Variants in ARHGAP24 observed in about 807,000 individuals in gnomAD.
ARHGAP24 encodes rho GTPase-activating protein 24.
Under a neutral mutation model 76.4 loss-of-function variants are expected in ARHGAP24, and 50 were observed. The observed-to-expected ratio is 0.65, with a 90% CI of 0.52 to 0.83. The LOEUF is 0.83. Among genes scored for constraint, ARHGAP24 ranks in the 40% least tolerant of loss-of-function variants. The probability of loss-of-function intolerance (pLI) is 0.00; values close to 1 mark genes in which losing one functional copy is unlikely to be tolerated. For synonymous variants in ARHGAP24, 345 were observed against 323.3 expected (o/e 1.07, Z -0.72); for missense variants, 930 against 914.2 (o/e 1.02, Z -0.22).
chr4:85,986,749 G>C (rs760947557), intron 8 of ARHGAP24, among the ~76,000 whole-genome samples: 1 of 152,100 alleles, frequency 6.6e-6, no homozygotes, highest in South Asian at 2.1e-4. Context: ...TACCAGAGAT[G>C]CTTAGTCTGA....
chr4:85,890,818 G>A (rs932476054), intron 3 of ARHGAP24, among the ~76,000 whole-genome samples: 1 of 152,152 alleles, frequency 6.6e-6, no homozygotes, highest in Non-Finnish European at 1.5e-5. Context: ...TTTTTAAGCA[G>A]AAAAGTTATT....
intron 4 of ARHGAP24, among the ~76,000 whole-genome samples, chr4:85,925,615 T>A (rs1238030319): frequency 6.6e-6 from 1 of 152,240 alleles, no homozygotes; most frequent in East Asian, 1.9e-4. Flanking sequence ...TTGTTCTATT[T>A]TATTAGAATA....
chr4:85,503,208 G>A (rs953899929), intron 1 of ARHGAP24, among the ~76,000 whole-genome samples: 41 of 152,264 alleles, frequency 2.7e-4, no homozygotes, highest in East Asian at 9.6e-4. Flanking sequence ...CCAGGCTTTC[G>A]TATCAGGATG....
chr4:85,595,407 G>A (rs1309071236), intron 2 of ARHGAP24, among the ~76,000 whole-genome samples: 1 of 152,040 alleles, frequency 6.6e-6, no homozygotes, highest in Non-Finnish European at 1.5e-5. Context: ...TTATCTGGTA[G>A]GCATGAGGCA....
intron 3 of ARHGAP24, among the ~76,000 whole-genome samples, chr4:85,919,012 A>G (rs577353533): frequency 1.1e-3 from 168 of 152,318 alleles, no homozygotes; most frequent in African/African-American, 3.9e-3. Flanking sequence ...GAAATGAAGA[A>G]AGTAGAATGT....
intron 4 of ARHGAP24, among the ~76,000 whole-genome samples, chr4:85,927,903 G>A (rs187375082): frequency 6.6e-6 from 1 of 152,294 alleles, no homozygotes; most frequent in East Asian, 1.9e-4. Context: ...TGAGGAGCTT[G>A]TCTAGTTCTT....
intron 2 of ARHGAP24, among the ~76,000 whole-genome samples, chr4:85,721,319 C>T (rs1318892373): frequency 1.3e-5 from 2 of 150,968 alleles, no homozygotes; most frequent in Non-Finnish European, 2.9e-5. Context: ...TTCTTGAACC[C>T]GGAAGGCAGA....
chr4:85,760,700 A>C (rs2110072720), intron 3 of ARHGAP24, among the ~76,000 whole-genome samples: 1 of 152,312 alleles, frequency 6.6e-6, no homozygotes, highest in Non-Finnish European at 1.5e-5. Flanking sequence ...CAAGAAGAAC[A>C]GAAGGCCCGA....
chr4:85,909,513 A>G (rs2148797942), intron 3 of ARHGAP24, among the ~76,000 whole-genome samples: 1 of 152,298 alleles, frequency 6.6e-6, no homozygotes, highest in Admixed American at 6.5e-5. Flanking sequence ...TGAATTGTCA[A>G]TCTGTATTTG....
At chr4:85,768,546 G>T (rs1727013279) in intron 3 of ARHGAP24, among the ~76,000 whole-genome samples, 1 of 152,184 alleles carries the variant, frequency 6.6e-6, no homozygotes, top group Admixed American at 6.5e-5. Context: ...AGGCCAGCCT[G>T]ACCAACATGG....
intron 2 of ARHGAP24, among the ~76,000 whole-genome samples, chr4:85,662,173 C>A (rs1416113053): frequency 6.6e-6 from 1 of 152,192 alleles, no homozygotes; most frequent in Admixed American, 6.5e-5. Context: ...TCCTCTCCAG[C>A]ACCTGTTGTT....
At chr4:85,983,405 G>A (rs753884076) in intron 8 of ARHGAP24, among the ~76,000 whole-genome samples, 2 of 152,064 alleles carry the variant, frequency 1.3e-5, no homozygotes, top group Non-Finnish European at 2.9e-5. Context: ...GCATAAAAGT[G>A]TTCCTATTTC....
intron 2 of ARHGAP24, among the ~76,000 whole-genome samples, chr4:85,708,939 G>A (rs1401521654): frequency 2.0e-5 from 3 of 152,000 alleles, no homozygotes; most frequent in African/African-American, 4.8e-5. Context: ...CTCTATGTTC[G>A]TTTAAGTATG....
At chr4:85,873,782 T>C (rs1349513691) in intron 3 of ARHGAP24, among the ~76,000 whole-genome samples, 1 of 152,190 alleles carries the variant, frequency 6.6e-6, no homozygotes, top group Non-Finnish European at 1.5e-5. Flanking sequence ...ACACTGAAGC[T>C]GATGTCTGCT....
intron 2 of ARHGAP24, among the ~76,000 whole-genome samples, chr4:85,638,775 A>G (rs1721414995): frequency 6.6e-6 from 1 of 152,150 alleles, no homozygotes; most frequent in South Asian, 2.1e-4. Context: ...ACTCTTTACT[A>G]CTGAACACCC....
chr4:85,888,795 A>AC (rs1324728106), intron 3 of ARHGAP24, among the ~76,000 whole-genome samples: 1 of 151,526 alleles, frequency 6.6e-6, no homozygotes, highest in Non-Finnish European at 1.5e-5. Flanking sequence ...CCTCCAATAG[A>AC]CCCCAGTGTG....
rs17010364 is a variant in ARHGAP24 at position 85,533,007 on chromosome 4, A to G, written c.-20-37515A>G. 7.7e-3 allele frequency among the ~76,000 whole-genome samples: 1,179 copies of G among 152,334 alleles called. 11 individuals carry two copies. The highest frequency in any genetic ancestry group is 0.019 in the African/African-American group (805 of 41,576). ...ATGGGGTGACACCTGGAACAAAGTC[A>G]TCTTCAAGGACATCTTCAAGGCTGT... On this transcript the variant is annotated intron_variant, in intron 1 of 9. Coordinates refer to ENST00000395184, the MANE Select transcript of ARHGAP24 (RefSeq NM_001025616.3).
chr4:85,577,680 T>C (rs1262906493), intron 2 of ARHGAP24, among the ~76,000 whole-genome samples: 1 of 152,184 alleles, frequency 6.6e-6, no homozygotes, highest in East Asian at 1.9e-4. Flanking sequence ...ATAGTTATTA[T>C]ACAGTGTAAT....
intron 3 of ARHGAP24, among the ~76,000 whole-genome samples, chr4:85,832,780 A>G (rs17011046): frequency 0.084 from 12,820 of 152,256 alleles, 625 homozygotes; most frequent in Middle Eastern, 0.14. Flanking sequence ...TTATCAGCAT[A>G]CTAGAAGGCT....
Sources: allele counts gnomAD v4.1 joint callset (sites outside exome capture counted in the v4.1 genomes callset), GRCh38; gene constraint gnomAD v4.1.1; transcripts MANE v1.5; gene names NCBI Gene and HGNC (gene_info 2026-07-23, HGNC 2026-07-21).